KRABD1: variants seen among roughly 807,000 people sequenced by gnomAD.
KRABD1 encodes KRAB domain containing 1, also known as KRAB domain-containing protein 1.
the KRABD1 span, chr3:42,936,485 G>T: frequency 2.0e-5 from 3 of 152,280 alleles, no homozygotes; most frequent in Non-Finnish European, 4.4e-5. Flanking sequence ...ACGGGAAACA[G>T]CCCCGAGGGA....
chr3:42,942,620 A>T, the KRABD1 span: 1 of 1,418,498 alleles, frequency 7.0e-7, no homozygotes, highest in Non-Finnish European at 9.4e-7. Context: ...GAAATCGTCA[A>T]TGCTGGGAAG....
At chr3:42,939,842 A>AT in the KRABD1 span, among the ~76,000 whole-genome samples, 2 of 151,672 alleles carry the variant, frequency 1.3e-5, no homozygotes, top group Non-Finnish European at 2.9e-5. Flanking sequence ...CTGTTCAGAT[A>AT]TTTTTTCGTA....
chr3:42,938,638 G>A, the KRABD1 span: 1 of 358,250 alleles, frequency 2.8e-6, no homozygotes, highest in Non-Finnish European at 5.2e-6. Flanking sequence ...AGTTTTCTCA[G>A]TCCACTTTTT....
chr3:42,939,441 A>G, the KRABD1 span, among the ~76,000 whole-genome samples: 5 of 152,136 alleles, frequency 3.3e-5, no homozygotes, highest in Non-Finnish European at 7.4e-5. Context: ...TCATTTTGTG[A>G]TAATAGCACA....
chr3:42,938,971 G>T, the KRABD1 span: 1 of 1,457,076 alleles, frequency 6.9e-7, no homozygotes, highest in Non-Finnish European at 9.2e-7. Flanking sequence ...ATCCCTGTGT[G>T]TATATACATA....
the KRABD1 span, chr3:42,938,829 G>GT: frequency 1.5e-4 from 180 of 1,178,574 alleles, no homozygotes; most frequent in East Asian, 5.4e-4. Flanking sequence ...TATCGTTAAT[G>GT]TTTTTTTTCT....
the KRABD1 span, chr3:42,942,147 G>C: frequency 5.3e-4 from 540 of 1,012,700 alleles, 1 homozygote; most frequent in African/African-American, 7.7e-3. Flanking sequence ...AAAGGTGTGT[G>C]TTCTCTGTGC....
chr3:42,938,385 A>G, the KRABD1 span: 7 of 152,368 alleles, frequency 4.6e-5, no homozygotes, highest in African/African-American at 7.2e-5. Flanking sequence ...TTGTTCTAAT[A>G]TTAAGTAGCA....
At chr3:42,937,503 A>G in the KRABD1 span, 11 of 152,366 alleles carry the variant, frequency 7.2e-5, no homozygotes, top group African/African-American at 2.6e-4. Flanking sequence ...TGCCGATACA[A>G]TGACAGTATC....
At chr3:42,938,614 T>G in the KRABD1 span, 1 of 327,884 alleles carries the variant, frequency 3.0e-6, no homozygotes, top group Non-Finnish European at 5.9e-6. Flanking sequence ...ATTCTATGGA[T>G]TAGCTGAAAT....
chr3:42,941,267 G>T, the KRABD1 span: 2 of 1,586,908 alleles, frequency 1.3e-6, no homozygotes, highest in Non-Finnish European at 1.7e-6. Flanking sequence ...ACTTCACTAC[G>T]AAGGAATGGG....
At chr3:42,940,859 G>A in the KRABD1 span, among the ~76,000 whole-genome samples, 1 of 152,202 alleles carries the variant, frequency 6.6e-6, no homozygotes, top group South Asian at 2.1e-4. Context: ...AATTAGGGAG[G>A]GGCTTAGAGC....
At chr3:42,942,132 A>T in the KRABD1 span, 3 of 1,151,618 alleles carry the variant, frequency 2.6e-6, no homozygotes, top group East Asian at 5.1e-5. Context: ...CATTTCATCA[A>T]AATGAAAGGT....
the KRABD1 span, chr3:42,941,986 C>A: frequency 6.5e-7 from 1 of 1,535,938 alleles, no homozygotes; most frequent in South Asian, 1.2e-5. Flanking sequence ...CAGCTTTGGT[C>A]TCTCATCTGG....
the KRABD1 span, chr3:42,938,924 G>A: frequency 6.5e-7 from 1 of 1,531,710 alleles, no homozygotes; most frequent in Non-Finnish European, 8.7e-7. Flanking sequence ...TTAACAACCA[G>A]GCCCCAGGTG....
At chr3:42,940,483 T>G in the KRABD1 span, among the ~76,000 whole-genome samples, 1 of 152,216 alleles carries the variant, frequency 6.6e-6, no homozygotes, top group Non-Finnish European at 1.5e-5. Context: ...ACTTGGCTCA[T>G]AGGTTCCCTT....
chr3:42,938,887 A>C, the KRABD1 span: 1 of 1,531,118 alleles, frequency 6.5e-7, no homozygotes, highest in Non-Finnish European at 8.8e-7. Flanking sequence ...AAGGAATAAA[A>C]GAGGTCAGAT....
At chr3:42,937,477 T>C in the KRABD1 span, 2 of 152,236 alleles carry the variant, frequency 1.3e-5, no homozygotes, top group Non-Finnish European at 2.9e-5. Flanking sequence ...AAGTATCCAC[T>C]GTAAGGGACA....
chr3:42,938,974 T>G, the KRABD1 span: 1 of 1,430,188 alleles, frequency 7.0e-7, no homozygotes, highest in Non-Finnish European at 9.4e-7. Context: ...CCTGTGTGTA[T>G]ATACATATGT....
Sources: allele counts gnomAD v4.1 joint callset (sites outside exome capture counted in the v4.1 genomes callset), GRCh38; gene constraint gnomAD v4.1.1; transcripts MANE v1.5; gene names NCBI Gene and HGNC (gene_info 2026-07-23, HGNC 2026-07-21).